SF3A3: variants seen among roughly 807,000 people sequenced by gnomAD.
The protein encoded by SF3A3 is splicing factor 3a subunit 3.
In SF3A3, 9 loss-of-function variants were observed where a neutral mutation model predicts 85.8. That is an observed-to-expected ratio of 0.10 (90% CI 0.06 to 0.18). The LOEUF is 0.18. Ranked by LOEUF, SF3A3 falls within the 10% of genes least tolerant of loss-of-function variation. SF3A3 has a pLI of 1.00. For missense variants in SF3A3, 306 were observed against 593.3 expected (o/e 0.52, Z 5.03); for synonymous variants, 195 against 204.4 (o/e 0.95, Z 0.39).
At chr1:37,978,345 AAAAAAAG>A (rs1360319132) in intron 11 of SF3A3, among the ~76,000 whole-genome samples, 1 of 152,062 alleles carries the variant, frequency 6.6e-6, no homozygotes, top group African/African-American at 2.4e-5. Flanking sequence ...TCAAAAAAAA[AAAAAAAG>A]AAAAAAGAAA....
At chr1:37,979,287 AT>A (rs1226361879) in intron 9 of SF3A3, 177 bp downstream of exon 9, 2 of 626,322 alleles carry the variant, frequency 3.2e-6, no homozygotes, top group African/African-American at 3.7e-5. Context: ...TAGAATAATT[AT>A]TTCAGTTTCC....
At chr1:37,967,451 G>A (rs1456811783) in intron 15 of SF3A3, among the ~76,000 whole-genome samples, 15 of 151,544 alleles carry the variant, frequency 9.9e-5, no homozygotes, top group Admixed American at 6.6e-5. Context: ...AGGCCAAGGC[G>A]GGCGGATCAT....
At chr1:37,973,185 A>AAAAAAG (rs959531803) in intron 12 of SF3A3, among the ~76,000 whole-genome samples, 10 of 152,146 alleles carry the variant, frequency 6.6e-5, no homozygotes, top group East Asian at 3.8e-4. Context: ...TCTCCAACAA[A>AAAAAAG]AAAAAGAAAA....
intron 16 of SF3A3, among the ~76,000 whole-genome samples, chr1:37,958,730 G>C (rs1365298688): frequency 6.6e-6 from 1 of 152,052 alleles, no homozygotes; most frequent in Non-Finnish European, 1.5e-5. Context: ...TTATATATCA[G>C]AGTACTATAT....
chr1:37,979,563 A>C, intron 8 of SF3A3, 30 bp from the exon 9 acceptor site: 6 of 1,584,830 alleles, frequency 3.8e-6, no homozygotes, highest in Non-Finnish European at 5.2e-6. Context: ...ATTTATTAAG[A>C]TCCAGGTTTA....
At chr1:37,980,079 ACAGT>A (rs1646406596) in intron 8 of SF3A3, among the ~76,000 whole-genome samples, 1 of 151,862 alleles carries the variant, frequency 6.6e-6, no homozygotes, top group Non-Finnish European at 1.5e-5. Flanking sequence ...AAATCTGGGC[ACAGT>A]CAAAGGCAAG....
At chr1:37,971,493 C>G (rs1187657057) in intron 12 of SF3A3, among the ~76,000 whole-genome samples, 1 of 152,224 alleles carries the variant, frequency 6.6e-6, no homozygotes, top group Non-Finnish European at 1.5e-5. Flanking sequence ...GGAATCCTCC[C>G]TAACTCATTT....
At chr1:37,978,630 G>A in intron 11 of SF3A3, 90 bp downstream of exon 11, 2 of 731,876 alleles carry the variant, frequency 2.7e-6, no homozygotes, top group Admixed American at 5.6e-5. Flanking sequence ...CGGAGATAAA[G>A]CAGGCTTTAA....
chr1:37,989,579 T>C lies in SF3A3; in HGVS notation c.113A>G (p.Asn38Ser), dbSNP rs774759170. 155 of 1,613,954 alleles carry C rather than the reference T, an allele frequency of 9.6e-5. No homozygotes were observed. The highest frequency in any genetic ancestry group is 1.0e-4 in the Admixed American group (6 of 59,958). ...TKKSTLRDQINSDHRTRAMQD... is the reference protein window; with the variant it reads ...TKKSTLRDQISSDHRTRAMQD... The stretch of plus-strand genomic sequence containing the variant: ...CATGGCCCGAGTGCGGTGATCAGAA[T>C]TGATCTGGTCCCGGAGCTGAAAAAA... The change falls in exon 2 of 17, where the codon AAT becomes AGT. Residue 38 changes from asparagine to serine, a missense_variant. By Grantham distance (46) the Asn-to-Ser change is conservative (BLOSUM62 1). Coordinates refer to ENST00000373019, the MANE Select transcript of SF3A3 (RefSeq NM_006802.4).
chr1:37,976,025 G>A (rs1030825010), intron 12 of SF3A3, among the ~76,000 whole-genome samples: 3 of 151,942 alleles, frequency 2.0e-5, no homozygotes, highest in African/African-American at 7.3e-5. Flanking sequence ...GCGTGGTGGC[G>A]CATGCCTGTA....
chr1:37,976,611 C>T (rs940804188), intron 12 of SF3A3, among the ~76,000 whole-genome samples: 1 of 152,110 alleles, frequency 6.6e-6, no homozygotes, highest in African/African-American at 2.4e-5. Context: ...AGCTCAGGCA[C>T]AGAATCTGCA....
chr1:37,964,379 C>T (rs756805889), intron 15 of SF3A3, among the ~76,000 whole-genome samples: 1 of 152,088 alleles, frequency 6.6e-6, no homozygotes, highest in East Asian at 1.9e-4. Context: ...CCAAGGCAGG[C>T]AAGTCACCTG....
chr1:37,965,677 C>CT (rs559891081), intron 15 of SF3A3, among the ~76,000 whole-genome samples: 54 of 151,990 alleles, frequency 3.6e-4, no homozygotes, highest in Non-Finnish European at 6.2e-4. Flanking sequence ...TCACTTGAGC[C>CT]TGGGAGGCAG....
At chr1:37,976,811 T>C (rs1646382479) in intron 12 of SF3A3, 73 bp downstream of exon 12, 5 of 954,034 alleles carry the variant, frequency 5.2e-6, no homozygotes, top group Admixed American at 3.7e-5. Context: ...TGAAAAAGTA[T>C]CTTCTGTGAG....
chr1:37,985,856 G>A (rs373265772), intron 4 of SF3A3, among the ~76,000 whole-genome samples: 169 of 151,646 alleles, frequency 1.1e-3, no homozygotes, highest in African/African-American at 4.0e-3. Context: ...GCTGTTTTTA[G>A]TCTCTTCCTT....
chr1:37,960,092 C>A, intron 16 of SF3A3, 28 bp downstream of exon 16: 1 of 1,603,578 alleles, frequency 6.2e-7, no homozygotes, highest in Non-Finnish European at 8.5e-7. Context: ...TTGACACTAT[C>A]CCTAACACCA....
chr1:37,984,352 G>A lies in SF3A3; in HGVS notation c.377-92C>T, dbSNP rs1297513486. On this transcript the variant is annotated intron_variant, in intron 5 of 16. Transcript: ENST00000373019. ...ATGGACTGTGTGTTCCTAGTTTCCT[G>A]AGGCAGCACTTCACCCAAATGTCTT... 5 of 733,144 alleles carry A rather than the reference G, an allele frequency of 6.8e-6. No individual in the cohort carries two copies. In the East Asian group the frequency reaches 1.3e-4, roughly 20 times the overall value. The allele number at this position is 733,144 out of a possible 1,614,324, so 45.4% of individuals were successfully genotyped here. A position where few individuals can be genotyped will look rare whatever the true frequency, so the allele number is the denominator to read the frequency against.
Position 37,962,740 on chromosome 1 carries a change from ATAAC to A in SF3A3, c.1373-2569_1373-2566del, listed in dbSNP as rs574435631. On this transcript the variant is annotated intron_variant, in intron 15 of 16. Coordinates refer to ENST00000373019, the MANE Select transcript of SF3A3 (RefSeq NM_006802.4). Reference sequence around the variant, plus strand: ...AAAATCATAAATCTAAACCAATGGAATAACTAACATAATAAATTTATAAGTAAAA... The same window carrying A: ...AAAATCATAAATCTAAACCAATGGAATAACATAATAAATTTATAAGTAAAA... Among the ~76,000 whole-genome samples the A allele has an allele frequency of 2.2e-4, 33 of 151,480 alleles. 1 individual carries two copies. In the South Asian group the frequency reaches 6.1e-3, roughly 28 times the overall value.
chr1:37,976,793 G>A (rs1338485312), intron 12 of SF3A3, 91 bp downstream of exon 12: 1 of 843,140 alleles, frequency 1.2e-6, no homozygotes, highest in Non-Finnish European at 2.0e-6. Flanking sequence ...CTCCTCTTTT[G>A]AACCTAATGA....
Sources: allele counts gnomAD v4.1 joint callset (sites outside exome capture counted in the v4.1 genomes callset), GRCh38; gene constraint gnomAD v4.1.1; transcripts MANE v1.5; gene names NCBI Gene and HGNC (gene_info 2026-07-23, HGNC 2026-07-21).